Variants in BACH2 observed in about 807,000 individuals in gnomAD.
The protein encoded by BACH2 is BACH transcriptional regulator 2.
In BACH2, 5 loss-of-function variants were observed where a neutral mutation model predicts 61.8. The ratio of observed to expected loss-of-function variants is 0.08; its 90% CI spans 0.04 to 0.17. The LOEUF is 0.17. BACH2 is among the 10% of genes least tolerant of loss of function. The pLI is 1.00. For synonymous variants in BACH2, 446 were observed against 440.1 expected, an observed-to-expected ratio of 1.01 and a Z score of -0.17; for missense variants, 824 against 1,091.1, an observed-to-expected ratio of 0.76 and a Z score of 3.45.
intron 6 of BACH2, among the ~76,000 whole-genome samples, chr6:89,993,815 TG>T (rs964738012): frequency 1.4e-4 from 22 of 151,878 alleles, no homozygotes; most frequent in Middle Eastern, 3.4e-3. Context: ...TTTTTTTTTT[TG>T]AATTTTTTTT....
At chr6:90,136,145 T>C (rs1021162310) in intron 4 of BACH2, among the ~76,000 whole-genome samples, 2 of 152,240 alleles carry the variant, frequency 1.3e-5, no homozygotes, top group Non-Finnish European at 2.9e-5. Context: ...AGCACAATCC[T>C]GTGCTGTGAC....
intron 5 of BACH2, among the ~76,000 whole-genome samples, chr6:90,055,732 A>G (rs372548312): frequency 6.6e-6 from 1 of 152,080 alleles, no homozygotes; most frequent in African/African-American, 2.4e-5. Flanking sequence ...GAGAAAGGTC[A>G]GGTTACCCAC....
At chr6:89,954,743 G>A (rs1774333011) in intron 6 of BACH2, among the ~76,000 whole-genome samples, 1 of 152,008 alleles carries the variant, frequency 6.6e-6, no homozygotes, top group Admixed American at 6.6e-5. Flanking sequence ...GACCAAGGAG[G>A]TGAATGAGCA....
intron 4 of BACH2, among the ~76,000 whole-genome samples, chr6:90,172,208 G>T (rs1016396002): frequency 6.6e-6 from 1 of 151,370 alleles, no homozygotes; most frequent in Non-Finnish European, 1.5e-5. Context: ...CGGAAGGCTG[G>T]GGCAGGAGAA....
In BACH2 at chr6:90,254,426, A is replaced by G. The variant is rs539504612; in HGVS notation, c.-352-1836T>C. ...GATTGGTTGCTCTAAGGGAGTAGTG[A>G]TAAAATAATCTGCTATATAAATCCT... On this transcript the variant is annotated intron_variant, in intron 2 of 8. Coordinates refer to ENST00000257749, the MANE Select transcript of BACH2 (RefSeq NM_021813.4). 2.0e-5 allele frequency among the ~76,000 whole-genome samples: 3 copies of G among 152,190 alleles called. No individual in the cohort carries two copies. The South Asian group carries it at 6.2e-4, about 32-fold the overall frequency.
intron 6 of BACH2, among the ~76,000 whole-genome samples, chr6:90,003,981 G>A (rs1449707124): frequency 6.6e-6 from 1 of 152,144 alleles, no homozygotes; most frequent in African/African-American, 2.4e-5. Flanking sequence ...CCTGTGCTGT[G>A]GCGTTAACTA....
intron 3 of BACH2, among the ~76,000 whole-genome samples, chr6:90,252,092 T>C (rs930629322): frequency 1.3e-5 from 2 of 152,180 alleles, no homozygotes; most frequent in Admixed American, 6.5e-5. Flanking sequence ...GTAACAAAAC[T>C]GGAGTAGCCA....
chr6:90,271,430 A>G (rs1267364148), intron 2 of BACH2, among the ~76,000 whole-genome samples: 1 of 151,728 alleles, frequency 6.6e-6, no homozygotes, highest in Non-Finnish European at 1.5e-5. Flanking sequence ...AAGAAAAAAC[A>G]TTGTTTATGA....
chr6:90,121,689 C>T (rs368354027), intron 4 of BACH2, among the ~76,000 whole-genome samples: 3 of 152,124 alleles, frequency 2.0e-5, no homozygotes, highest in East Asian at 1.9e-4. Context: ...ATCTTACAGG[C>T]GTCCACCACC....
intron 5 of BACH2, among the ~76,000 whole-genome samples, chr6:90,062,393 A>T (rs2127799025): frequency 6.7e-6 from 1 of 150,198 alleles, no homozygotes; most frequent in South Asian, 2.2e-4. Flanking sequence ...AAAGTAGGTG[A>T]TTAACTCAAT....
intron 1 of BACH2, among the ~76,000 whole-genome samples, chr6:90,285,046 T>G (rs1008462716): frequency 6.6e-6 from 1 of 152,234 alleles, no homozygotes; most frequent in African/African-American, 2.4e-5. Flanking sequence ...ATCATCCTTT[T>G]TCAAGACAGT....
At chr6:90,242,517 G>A (rs768131582) in intron 3 of BACH2, among the ~76,000 whole-genome samples, 1 of 152,068 alleles carries the variant, frequency 6.6e-6, no homozygotes. Context: ...TCCAGTTTTT[G>A]ACAGTTATAA....
intron 3 of BACH2, among the ~76,000 whole-genome samples, chr6:90,242,628 T>A (rs1770491459): frequency 6.6e-6 from 1 of 152,212 alleles, no homozygotes; most frequent in Admixed American, 6.5e-5. Flanking sequence ...AATTGTACGT[T>A]AAGCCTATCT....
At chr6:89,952,418 TCA>T (rs1418141271) in intron 6 of BACH2, among the ~76,000 whole-genome samples, 3 of 152,220 alleles carry the variant, frequency 2.0e-5, no homozygotes, top group Non-Finnish European at 4.4e-5. Flanking sequence ...TGCTCATCCA[TCA>T]CAGTTTCTAC....
intron 4 of BACH2, among the ~76,000 whole-genome samples, chr6:90,092,396 G>A (rs1434671702): frequency 3.3e-5 from 5 of 149,306 alleles, no homozygotes; most frequent in African/African-American, 7.4e-5. Flanking sequence ...GCAAAACACC[G>A]CAAGCTAAAA....
intron 5 of BACH2, among the ~76,000 whole-genome samples, chr6:90,087,240 C>T (rs1358742407): frequency 2.0e-5 from 3 of 152,118 alleles, no homozygotes; most frequent in East Asian, 1.9e-4. Context: ...AACTGTAAAT[C>T]CTAAGTGCTA....
intron 4 of BACH2, among the ~76,000 whole-genome samples, chr6:90,196,279 A>G (rs915492040): frequency 3.3e-5 from 5 of 152,248 alleles, no homozygotes; most frequent in Non-Finnish European, 5.9e-5. Flanking sequence ...GTTTTGTTTC[A>G]ACAGATTTCT....
At chr6:90,233,949 C>G (rs549495490) in intron 3 of BACH2, among the ~76,000 whole-genome samples, 1 of 152,308 alleles carries the variant, frequency 6.6e-6, no homozygotes, top group Non-Finnish European at 1.5e-5. Context: ...TCGGCATGTT[C>G]AGAGACTAAG....
intron 4 of BACH2, among the ~76,000 whole-genome samples, chr6:90,189,459 T>G (rs560961458): frequency 1.3e-5 from 2 of 151,276 alleles, no homozygotes; most frequent in Non-Finnish European, 2.9e-5. Context: ...ATACAAAAAA[T>G]TAGCCGGGCG....
Sources: gnomAD v4.1 joint callset for allele counts (sites outside exome capture counted in the v4.1 genomes callset) on GRCh38, gnomAD v4.1.1 for gene constraint, MANE v1.5 for transcripts, NCBI Gene and HGNC (gene_info 2026-07-23, HGNC 2026-07-21) for gene names.